SLIT2: variants seen among roughly 807,000 people sequenced by gnomAD.
SLIT2 encodes slit homolog 2 protein.
A neutral mutation model predicts 185.7 loss-of-function variants in SLIT2; 41 were observed. The observed-to-expected ratio is 0.22, with a 90% CI of 0.17 to 0.29. The LOEUF is 0.29. Ranked by LOEUF, SLIT2 falls within the 10% of genes least tolerant of loss-of-function variation. The pLI, the probability that SLIT2 is intolerant of heterozygous loss-of-function variation, is 1.00. For missense variants in SLIT2, 1,571 were observed against 1,909.0 expected (o/e 0.82, Z 3.30); for synonymous variants, 693 against 680.2 (o/e 1.02, Z -0.29).
chr4:20,592,943 TAGAG>T (rs937131819), intron 30 of SLIT2, among the ~76,000 whole-genome samples: 2 of 152,182 alleles, frequency 1.3e-5, no homozygotes, highest in African/African-American at 4.8e-5. Context: ...TTGCTACTCT[TAGAG>T]GCTATATACT....
chr4:20,595,674 C>T lies in SLIT2; in HGVS notation c.3183-23C>T, dbSNP rs1460258624. On this transcript the variant is annotated intron_variant, in intron 30 of 36. Coordinates refer to ENST00000504154, the MANE Select transcript of SLIT2 (RefSeq NM_004787.4). ...TATTTTGGCTCAGTTGGGTTTGAAA[C>T]CATTACCTGCTTGTTCCAACAGATG... 3 of 1,611,724 alleles carry T rather than the reference C, an allele frequency of 1.9e-6. No homozygotes were observed. The Admixed American group carries it at 5.0e-5, about 27-fold the overall frequency.
intron 9 of SLIT2, among the ~76,000 whole-genome samples, chr4:20,503,359 CTAAAA>C (rs1718906817): frequency 6.6e-6 from 1 of 152,020 alleles, no homozygotes. Context: ...TTTTTTAAAA[CTAAAA>C]TAATTAGCAA....
chr4:20,338,171 T>C (rs1720664010), intron 4 of SLIT2, among the ~76,000 whole-genome samples: 1 of 152,216 alleles, frequency 6.6e-6, no homozygotes. Context: ...ATTCAAGTTG[T>C]CACATCCTGA....
At chr4:20,545,031 G>A (rs1397459284) in intron 21 of SLIT2, among the ~76,000 whole-genome samples, 1 of 152,014 alleles carries the variant, frequency 6.6e-6, no homozygotes, top group Non-Finnish European at 1.5e-5. Context: ...CTGATAACTG[G>A]TGCCTTTTAT....
intron 32 of SLIT2, 70 bp from the exon 33 acceptor site, chr4:20,598,195 C>T: frequency 6.9e-7 from 1 of 1,458,518 alleles, no homozygotes; most frequent in Non-Finnish European, 9.4e-7. Context: ...CCTCACTTAG[C>T]AGTCTCTTTC....
intron 4 of SLIT2, among the ~76,000 whole-genome samples, chr4:20,440,837 G>C (rs1420309372): frequency 1.3e-5 from 2 of 152,124 alleles, no homozygotes; most frequent in Non-Finnish European, 2.9e-5. Context: ...ATTTGCGAGT[G>C]TGGTGGGCAT....
intron 4 of SLIT2, among the ~76,000 whole-genome samples, chr4:20,301,681 A>G (rs1194738919): frequency 1.3e-5 from 2 of 152,148 alleles, no homozygotes; most frequent in Non-Finnish European, 2.9e-5. Flanking sequence ...GACTAATGAG[A>G]TATTAGTAGA....
At chr4:20,351,501 C>A (rs931665931) in intron 4 of SLIT2, among the ~76,000 whole-genome samples, 17 of 152,160 alleles carry the variant, frequency 1.1e-4, no homozygotes, top group Admixed American at 1.1e-3. Context: ...GCAAGAAGAA[C>A]CCAACACTTA....
chr4:20,412,471 T>G (rs547572732), intron 4 of SLIT2, among the ~76,000 whole-genome samples: 63 of 152,256 alleles, frequency 4.1e-4, no homozygotes, highest in African/African-American at 1.4e-3. Flanking sequence ...AACTGCTGAT[T>G]TAATATAAAA....
intron 25 of SLIT2, among the ~76,000 whole-genome samples, chr4:20,551,756 G>GA (rs1723776454): frequency 6.6e-6 from 1 of 151,972 alleles, no homozygotes; most frequent in Non-Finnish European, 1.5e-5. Context: ...CACTTCTCTC[G>GA]AAAACCCACA....
chr4:20,431,007 C>T (rs751050080), intron 4 of SLIT2, among the ~76,000 whole-genome samples: 4 of 152,094 alleles, frequency 2.6e-5, no homozygotes, highest in Admixed American at 1.3e-4. Flanking sequence ...CTAAAGATGG[C>T]GACAGATCAA....
At chr4:20,570,712 AATATATATATATATATATGTAT>A (rs1378036299) in intron 29 of SLIT2, among the ~76,000 whole-genome samples, 11 of 112,316 alleles carry the variant, frequency 9.8e-5, no homozygotes, top group African/African-American at 3.7e-4. Flanking sequence ...CAGAACCAGG[AATATATATATATATATATGTAT>A]ATATATATAT....
chr4:20,321,677 G>A (rs1233740311), intron 4 of SLIT2, among the ~76,000 whole-genome samples: 2 of 152,210 alleles, frequency 1.3e-5, no homozygotes, highest in Non-Finnish European at 2.9e-5. Flanking sequence ...ATGCGTGGGA[G>A]CAAATGCCTC....
rs1487500660 is a variant in SLIT2, at chr4:20,252,326, G to T, written c.-1490G>T. On this transcript the variant is annotated 5_prime_UTR_variant, in exon 1 of 37. Coordinates refer to ENST00000504154, the MANE Select transcript of SLIT2 (RefSeq NM_004787.4). ...GAGTCGGCAGAGCCACCGAGTCCCC[G>T]CTCTGAGTCGTCGCCCTCCCTCTCC... Among the ~76,000 whole-genome samples the T allele has an allele frequency of 2.0e-5, 3 of 152,170 alleles. No homozygotes were observed. The highest frequency in any genetic ancestry group is 2.9e-5 in the Non-Finnish European group (2 of 68,034).
At chr4:20,462,270 C>T (rs2148731774) in intron 4 of SLIT2, among the ~76,000 whole-genome samples, 1 of 152,218 alleles carries the variant, frequency 6.6e-6, no homozygotes, top group Non-Finnish European at 1.5e-5. Context: ...ATGAATAAAC[C>T]AGGTTTTCAA....
intron 26 of SLIT2, among the ~76,000 whole-genome samples, chr4:20,554,613 C>T (rs1724078574): frequency 6.6e-6 from 1 of 152,074 alleles, no homozygotes; most frequent in African/African-American, 2.4e-5. Context: ...AACCATTAGT[C>T]AGCATACCTG....
At chr4:20,320,023 T>A (rs1266301972) in intron 4 of SLIT2, among the ~76,000 whole-genome samples, 1 of 152,158 alleles carries the variant, frequency 6.6e-6, no homozygotes, top group Non-Finnish European at 1.5e-5. Flanking sequence ...CTTTTCACAC[T>A]GGATTCCTGG....
chr4:20,604,503 C>A (rs1728638825), intron 33 of SLIT2, among the ~76,000 whole-genome samples: 1 of 151,998 alleles, frequency 6.6e-6, no homozygotes, highest in Non-Finnish European at 1.5e-5. Context: ...GCGCTCACCC[C>A]TACGCCTAGC....
At chr4:20,478,135 C>T (rs1716318766) in intron 5 of SLIT2, among the ~76,000 whole-genome samples, 1 of 151,976 alleles carries the variant, frequency 6.6e-6, no homozygotes, top group Non-Finnish European at 1.5e-5. Flanking sequence ...GATACCAGCA[C>T]AACACTTTAT....
Sources: gnomAD v4.1 joint callset for allele counts (sites outside exome capture counted in the v4.1 genomes callset) on GRCh38, gnomAD v4.1.1 for gene constraint, MANE v1.5 for transcripts, NCBI Gene and HGNC (gene_info 2026-07-23, HGNC 2026-07-21) for gene names.